The following SH3D19 variants were observed in gnomAD, a reference collection of about 807,000 sequenced individuals.
SH3D19 encodes SH3 domain-containing protein 19.
A neutral mutation model predicts 112.1 loss-of-function variants in SH3D19; 58 were observed. The ratio of observed to expected loss-of-function variants is 0.52; its 90% confidence interval spans 0.42 to 0.64. The LOEUF (loss-of-function observed/expected upper bound fraction) is 0.64. SH3D19 is among the 30% of genes least tolerant of loss of function. The pLI is 0.00. For missense variants in SH3D19, 1,090 were observed against 1,263.4 expected, an observed-to-expected ratio of 0.86 and a Z score of 2.08; for synonymous variants, 391 against 448.5, an observed-to-expected ratio of 0.87 and a Z score of 1.62.
intron 2 of SH3D19, among the ~76,000 whole-genome samples, chr4:151,201,991 G>A (rs1480651474): frequency 5.3e-5 from 8 of 150,666 alleles, no homozygotes; most frequent in African/African-American, 1.2e-4. Context: ...CAGCCTGGGC[G>A]GTAAGAGCAA....
intron 11 of SH3D19, among the ~76,000 whole-genome samples, chr4:151,146,689 C>A (rs572421505): frequency 6.6e-6 from 1 of 152,152 alleles, no homozygotes; most frequent in African/African-American, 2.4e-5. Context: ...TGTGCCAACA[C>A]GCCCAGCTAA....
At chr4:151,141,415 C>T (rs569913038) in intron 12 of SH3D19, among the ~76,000 whole-genome samples, 10 of 152,228 alleles carry the variant, frequency 6.6e-5, no homozygotes, top group African/African-American at 2.2e-4. Flanking sequence ...AGTGAGCCAC[C>T]GTGCCCAGCC....
intron 1 of SH3D19, among the ~76,000 whole-genome samples, chr4:151,311,204 C>T (rs1159732564): frequency 6.7e-6 from 1 of 148,168 alleles, no homozygotes; most frequent in Admixed American, 6.7e-5. Flanking sequence ...GCCTGGGCAA[C>T]ACAGTGAGAC....
chr4:151,202,055 G>T lies in SH3D19; in HGVS notation c.153-14592C>A, dbSNP rs543447249. The stretch of plus-strand genomic sequence containing the variant: ...AGAAAATAATGATAATAACAATAAG[G>T]CTGAGTGTGGTAGCTCACGCCTGTA... On this transcript the variant is annotated intron_variant, in intron 2 of 19. Transcript: ENST00000604030. Among the ~76,000 whole-genome samples the T allele has an allele frequency of 2.7e-3, 408 of 151,442 alleles. 3 individuals are homozygous for T. Among genetic ancestry groups the T allele is most frequent in the African/African-American group, 9.6e-3 (397 of 41,288 alleles).
chr4:151,255,071 G>A (rs546617782), intron 1 of SH3D19, among the ~76,000 whole-genome samples: 107 of 149,002 alleles, frequency 7.2e-4, no homozygotes, highest in Admixed American at 9.4e-4. Context: ...CTGGCCGGGC[G>A]GGGGGCTGAC....
chr4:151,164,728 C>T (rs563497508), intron 8 of SH3D19, among the ~76,000 whole-genome samples: 5 of 151,950 alleles, frequency 3.3e-5, no homozygotes, highest in Non-Finnish European at 7.4e-5. Context: ...TACAGGCGCG[C>T]AGCACCACAC....
intron 2 of SH3D19, among the ~76,000 whole-genome samples, chr4:151,200,428 CTTACAA>C (rs1342220123): frequency 6.6e-6 from 1 of 152,172 alleles, no homozygotes; most frequent in Admixed American, 6.6e-5. Flanking sequence ...GTTATACAAA[CTTACAA>C]TTAAAGTAAA....
At chr4:151,276,335 C>G (rs1580379113) in intron 1 of SH3D19, among the ~76,000 whole-genome samples, 3 of 152,272 alleles carry the variant, frequency 2.0e-5, no homozygotes, top group Middle Eastern at 3.4e-3. Context: ...TCCAGACCCC[C>G]CTTTAGAACT....
intron 1 of SH3D19, among the ~76,000 whole-genome samples, chr4:151,302,794 T>G (rs774049081): frequency 2.5e-4 from 38 of 150,902 alleles, no homozygotes; most frequent in Non-Finnish European, 4.7e-4. Context: ...AAATACCGCA[T>G]GTTCATAGGT....
intron 1 of SH3D19, among the ~76,000 whole-genome samples, chr4:151,232,116 G>A (rs559431665): frequency 6.6e-5 from 10 of 152,284 alleles, no homozygotes; most frequent in African/African-American, 1.7e-4. Flanking sequence ...CCCGGGAGGC[G>A]GAGGTTGCAG....
intron 2 of SH3D19, among the ~76,000 whole-genome samples, chr4:151,208,576 G>A (rs1035153811): frequency 2.0e-5 from 3 of 151,942 alleles, no homozygotes; most frequent in Admixed American, 1.3e-4. Context: ...CACCATGTTT[G>A]TCAGGCTGGT....
In SH3D19 at chr4:151,144,042, A is replaced by G. The variant is rs138649141; in HGVS notation, c.2091T>C (p.Asp697=). ...CCGTCTGCTTCAGCATCACAAGTAC[A>G]TCCCCACGCTGCAAGGTACAATACC... ...HPLYSKYMRG[D]VLVMLKQTEN... The change falls in exon 12 of 20, where the codon GAT becomes GAC. Residue 697 remains aspartate, a synonymous_variant. Coordinates refer to ENST00000604030, the MANE Select transcript of SH3D19 (RefSeq NM_001378122.1). The G allele has an allele frequency of 5.2e-5, 84 of 1,613,632 alleles. No homozygotes were observed. In the African/African-American group the frequency reaches 9.7e-4, roughly 19 times the overall value.
intron 12 of SH3D19, chr4:151,140,104 G>A (rs969761136): frequency 3.6e-5 from 15 of 417,574 alleles, no homozygotes; most frequent in Non-Finnish European, 6.4e-5. Flanking sequence ...TTTTTAAGCT[G>A]AGAGAGTAAA....
chr4:151,187,190 G>GA (rs896898796), intron 3 of SH3D19, among the ~76,000 whole-genome samples: 4 of 151,094 alleles, frequency 2.6e-5, no homozygotes, highest in African/African-American at 2.4e-5. Flanking sequence ...TGGGATTAAG[G>GA]AAAAAAAACC....
chr4:151,156,973 CCAAA>C (rs1410984868), intron 9 of SH3D19, among the ~76,000 whole-genome samples: 2 of 152,094 alleles, frequency 1.3e-5, no homozygotes, highest in African/African-American at 2.4e-5. Flanking sequence ...AGCAAAAACC[CCAAA>C]CAATCTGATT....
chr4:151,159,409 T>C, intron 8 of SH3D19, 57 bp from the exon 9 acceptor site: 1 of 1,003,624 alleles, frequency 1.0e-6, no homozygotes, highest in Non-Finnish European at 1.5e-6. Context: ...TTCCAAAGAA[T>C]GAAATGATTG....
intron 1 of SH3D19, among the ~76,000 whole-genome samples, chr4:151,239,419 T>C (rs1319979543): frequency 6.6e-6 from 1 of 152,166 alleles, no homozygotes; most frequent in Non-Finnish European, 1.5e-5. Flanking sequence ...TTTTGTTTTT[T>C]TTTAGGGGTG....
At chr4:151,228,556 T>G (rs556701496) in intron 1 of SH3D19, among the ~76,000 whole-genome samples, 1 of 152,122 alleles carries the variant, frequency 6.6e-6, no homozygotes, top group South Asian at 2.1e-4. Flanking sequence ...ATTTTCATGA[T>G]AGTCAAGATT....
At chr4:151,284,472 GTATAT>G (rs1486958981) in intron 1 of SH3D19, among the ~76,000 whole-genome samples, 2 of 152,064 alleles carry the variant, frequency 1.3e-5, no homozygotes, top group African/African-American at 4.8e-5. Flanking sequence ...TTTTCTAGCT[GTATAT>G]TATAAATATT....
Sources: gnomAD v4.1 joint callset for allele counts (sites outside exome capture counted in the v4.1 genomes callset) on GRCh38, gnomAD v4.1.1 for gene constraint, MANE v1.5 for transcripts, NCBI Gene and HGNC (gene_info 2026-07-23, HGNC 2026-07-21) for gene names.